The following L3MBTL3 variants were observed in gnomAD, a reference collection of about 807,000 sequenced individuals.
L3MBTL3 encodes L3MBTL histone methyl-lysine binding protein 3.
Under a neutral mutation model 102.3 loss-of-function variants are expected in L3MBTL3, and 27 were observed. That is an observed-to-expected ratio of 0.26 (90% CI 0.19 to 0.36). L3MBTL3 has a LOEUF of 0.36. Among genes scored for constraint, L3MBTL3 ranks in the 10% least tolerant of loss-of-function variants. The probability of loss-of-function intolerance (pLI) is 1.00; values close to 1 mark genes in which losing one functional copy is unlikely to be tolerated. For synonymous variants in L3MBTL3, 340 were observed against 320.9 expected (o/e 1.06, Z -0.64); for missense variants, 798 against 955.3 (o/e 0.84, Z 2.17).
At chr6:130,066,593 G>T in intron 11 of L3MBTL3, 105 bp downstream of exon 11, 3 of 993,340 alleles carry the variant, frequency 3.0e-6, no homozygotes, top group Non-Finnish European at 4.4e-6. Context: ...ATTCAGATAG[G>T]CACAAATTTA....
At chr6:130,132,442 A>T (rs1406840505) in intron 20 of L3MBTL3, among the ~76,000 whole-genome samples, 1 of 152,180 alleles carries the variant, frequency 6.6e-6, no homozygotes, top group African/African-American at 2.4e-5. Context: ...AGTGAACTTT[A>T]CACTTAGTGA....
At chr6:130,076,747 A>T (rs191391846) in intron 13 of L3MBTL3, among the ~76,000 whole-genome samples, 32 of 152,296 alleles carry the variant, frequency 2.1e-4, no homozygotes, top group Non-Finnish European at 5.9e-5. Flanking sequence ...CTTGTTTTAC[A>T]ATAGTAGCAG....
chr6:130,087,439 A>T (rs1783758560), intron 16 of L3MBTL3, among the ~76,000 whole-genome samples: 1 of 152,186 alleles, frequency 6.6e-6, no homozygotes, highest in African/African-American at 2.4e-5. Context: ...TTTACAATTA[A>T]GTACAATATT....
intron 19 of L3MBTL3, among the ~76,000 whole-genome samples, chr6:130,105,543 G>T (rs1275072197): frequency 6.7e-6 from 1 of 149,914 alleles, no homozygotes; most frequent in African/African-American, 2.5e-5. Flanking sequence ...GATCATTTGA[G>T]CCTGGGAGGT....
At chr6:130,039,151 C>T (rs1024384355) in intron 2 of L3MBTL3, among the ~76,000 whole-genome samples, 8 of 152,078 alleles carry the variant, frequency 5.3e-5, no homozygotes, top group African/African-American at 1.9e-4. Flanking sequence ...ACCCTTCACA[C>T]GTCTTGACAA....
In L3MBTL3 at chr6:130,141,205, A is replaced by T. The variant is rs1302244921; in HGVS notation, c.*1452A>T. The T allele has an allele frequency of 1.3e-5, 2 of 152,130 alleles. No homozygotes were observed. 9.4% of individuals were successfully genotyped at this position (152,130 alleles called of 1,614,324 possible). On this transcript the variant is annotated 3_prime_UTR_variant, in exon 23 of 23. Coordinates refer to ENST00000361794, the MANE Select transcript of L3MBTL3 (RefSeq NM_032438.4). ...TCTTTAGTTGCTTTCGTTTTTTATG[A>T]TGTAGGACTTCCTTTGATATCCCTG...
chr6:130,019,947 T>G (rs1320237727), intron 1 of L3MBTL3, among the ~76,000 whole-genome samples: 1 of 108,304 alleles, frequency 9.2e-6, no homozygotes, highest in South Asian at 3.5e-4. Flanking sequence ...CCGGCCCGGG[T>G]GCGGGCGCGG....
At chr6:130,090,197 C>CAA (rs142358565) in intron 16 of L3MBTL3, among the ~76,000 whole-genome samples, 11 of 150,650 alleles carry the variant, frequency 7.3e-5, no homozygotes, top group Admixed American at 7.3e-4. Flanking sequence ...ATTTTAAGCA[C>CAA]ATATATATAT....
chr6:130,086,111 T>C (rs1783667978), intron 15 of L3MBTL3, 29 bp from the exon 16 acceptor site: 1 of 1,417,254 alleles, frequency 7.1e-7, no homozygotes, highest in African/African-American at 1.4e-5. Flanking sequence ...CCTCTTTATC[T>C]CACTCTGTAA....
Position 130,049,355 on chromosome 6 carries a change from C to T in L3MBTL3, c.176C>T (p.Thr59Ile). Residue 59 changes from threonine to isoleucine, a missense_variant, in exon 4 of 23, where the codon ACT (threonine) becomes ATT (isoleucine). Around this residue, in one of 4 missense-constraint regions of L3MBTL3, gnomAD observed 434 missense variants for 506.6 expected, o/e 0.86. Coordinates refer to ENST00000361794, the MANE Select transcript of L3MBTL3 (RefSeq NM_032438.4). The part of the protein sequence containing the change: ...ENEMENVKKA[T>I]ATTTWMVPTA... ...GAGATGGAAAATGTTAAAAAAGCAA[C>T]TGCTACCACCACTTGGATGGTACCA... is the stretch of plus-strand genomic sequence containing the variant. 2 of 1,612,592 alleles carry T rather than the reference C, an allele frequency of 1.2e-6. No individual in the cohort carries two copies. The highest frequency in any genetic ancestry group is 1.7e-6 in the Non-Finnish European group (2 of 1,178,718).
At chr6:130,097,771 T>C (rs1315176137) in intron 18 of L3MBTL3, among the ~76,000 whole-genome samples, 1 of 151,952 alleles carries the variant, frequency 6.6e-6, no homozygotes, top group Non-Finnish European at 1.5e-5. Context: ...TAAAGTTATA[T>C]AAAAGTAGAC....
chr6:130,050,338 A>G (rs1229480355), intron 5 of L3MBTL3, among the ~76,000 whole-genome samples: 1 of 152,234 alleles, frequency 6.6e-6, no homozygotes, highest in Non-Finnish European at 1.5e-5. Flanking sequence ...TGGCAGTGCC[A>G]GCAGCACAGA....
intron 7 of L3MBTL3, 192 bp from the exon 8 acceptor site, chr6:130,054,979 A>T: frequency 1.8e-6 from 1 of 543,074 alleles, no homozygotes; most frequent in Non-Finnish European, 3.3e-6. Flanking sequence ...ACGTGGATAC[A>T]GTCTTATTTT....
chr6:130,067,345 C>T (rs1013266812), intron 11 of L3MBTL3, among the ~76,000 whole-genome samples: 14 of 152,130 alleles, frequency 9.2e-5, no homozygotes, highest in African/African-American at 3.4e-4. Flanking sequence ...AACTTCTGGC[C>T]TCAAGTGATC....
chr6:130,056,368 G>A (rs1332521001), intron 8 of L3MBTL3, among the ~76,000 whole-genome samples: 2 of 152,072 alleles, frequency 1.3e-5, no homozygotes, highest in East Asian at 3.9e-4. Context: ...TTCCATAGAG[G>A]CCCTGGGGGA....
intron 3 of L3MBTL3, 105 bp downstream of exon 3, chr6:130,042,906 G>A (rs1780513571): frequency 6.8e-6 from 5 of 735,734 alleles, no homozygotes; most frequent in Non-Finnish European, 1.2e-5. Flanking sequence ...ATTAATCATA[G>A]TGGTGTAGGT....
intron 13 of L3MBTL3, among the ~76,000 whole-genome samples, chr6:130,076,935 TG>T (rs1331967000): frequency 6.6e-6 from 1 of 152,160 alleles, no homozygotes; most frequent in Non-Finnish European, 1.5e-5. Context: ...TAGATTCAGA[TG>T]GTACAAGAAT....
rs982144062 is a variant in L3MBTL3, at chr6:130,117,593, G to T, written c.1887-3286G>T. ...ATTCTAGAACAAGGATTTCATTTTT[G>T]TGTAGAGAAAGATTCATCACAGTGC... On this transcript the variant is annotated intron_variant, in intron 19 of 22. Transcript: ENST00000361794. 3.9e-5 allele frequency among the ~76,000 whole-genome samples: 6 copies of T among 152,240 alleles called. No individual in the cohort carries two copies. In the South Asian group the frequency reaches 1.2e-3, roughly 32 times the overall value.
intron 2 of L3MBTL3, among the ~76,000 whole-genome samples, chr6:130,042,418 ATT>A (rs1780478144): frequency 6.6e-6 from 1 of 151,860 alleles, no homozygotes; most frequent in South Asian, 2.1e-4. Flanking sequence ...GAATAAATGA[ATT>A]TCTTTTGTTT....
Sources: gnomAD v4.1 joint callset for allele counts (sites outside exome capture counted in the v4.1 genomes callset) on GRCh38, gnomAD v4.1.1 for gene constraint, gnomAD v4.1.1 regional missense constraint, MANE v1.5 for transcripts, NCBI Gene and HGNC (gene_info 2026-07-23, HGNC 2026-07-21) for gene names.